STAU2: variants seen among roughly 807,000 people sequenced by gnomAD.
STAU2 encodes double-stranded RNA-binding protein Staufen homolog 2.
In STAU2, 20 loss-of-function variants were observed where a neutral mutation model predicts 65.9. The ratio of observed to expected loss-of-function variants is 0.30; its 90% CI spans 0.21 to 0.44. The LOEUF (loss-of-function observed/expected upper bound fraction) is 0.44, where lower values mean the gene tolerates loss of function less well. STAU2 is among the 20% of genes least tolerant of loss of function. The pLI, the probability that STAU2 is intolerant of heterozygous loss-of-function variation, is 1.00. For missense variants in STAU2, 558 were observed against 683.9 expected (o/e 0.82, Z 2.05); for synonymous variants, 232 against 233.9 (o/e 0.99, Z 0.07).
chr8:73,595,648 T>C (rs1811127625), intron 10 of STAU2, among the ~76,000 whole-genome samples: 2 of 152,188 alleles, frequency 1.3e-5, no homozygotes, highest in Admixed American at 1.3e-4. Context: ...ATGACTACAT[T>C]TTAGCATTCT....
At chr8:73,689,478 A>G (rs772599958) in intron 4 of STAU2, among the ~76,000 whole-genome samples, 81 of 152,280 alleles carry the variant, frequency 5.3e-4, no homozygotes, top group Non-Finnish European at 1.0e-3. Context: ...CATCACCCCA[A>G]TCAACATCAG....
intron 12 of STAU2, among the ~76,000 whole-genome samples, chr8:73,570,306 A>T (rs551607111): frequency 1.4e-3 from 219 of 152,370 alleles, no homozygotes; most frequent in Non-Finnish European, 2.4e-3. Context: ...GAAATATGGG[A>T]CTATGTGAAA....
intron 12 of STAU2, among the ~76,000 whole-genome samples, chr8:73,573,779 T>G (rs1424619016): frequency 6.6e-6 from 1 of 152,164 alleles, no homozygotes; most frequent in African/African-American, 2.4e-5. Context: ...ACTGAAATGT[T>G]AGACCTAAAA....
intron 8 of STAU2, among the ~76,000 whole-genome samples, chr8:73,615,029 TG>T (rs1812731784): frequency 6.6e-6 from 1 of 152,178 alleles, no homozygotes; most frequent in Admixed American, 6.5e-5. Flanking sequence ...TCATACAATG[TG>T]AGGGAAGAAT....
chr8:73,728,202 T>C (rs1179482488), intron 3 of STAU2: 2 of 152,210 alleles, frequency 1.3e-5, no homozygotes, highest in South Asian at 2.1e-4. Flanking sequence ...GAGATTATTC[T>C]TTCCCCACTG....
intron 5 of STAU2, among the ~76,000 whole-genome samples, chr8:73,679,378 T>G (rs970703108): frequency 6.6e-6 from 1 of 151,870 alleles, no homozygotes; most frequent in African/African-American, 2.4e-5. Flanking sequence ...CCAGGAAAAC[T>G]GAAAGAATTC....
chr8:73,697,185 C>A (rs1819742881), intron 4 of STAU2: 1 of 152,212 alleles, frequency 6.6e-6, no homozygotes, highest in Non-Finnish European at 1.5e-5. Flanking sequence ...TCCTGAGTAG[C>A]TGAGATTACA....
chr8:73,692,909 C>G (rs1753672734), intron 4 of STAU2, among the ~76,000 whole-genome samples: 3 of 152,184 alleles, frequency 2.0e-5, no homozygotes, highest in Admixed American at 2.0e-4. Context: ...CCTGGAATCC[C>G]AGCACTTTGG....
At chr8:73,632,657 T>A (rs1189412712) in intron 6 of STAU2, among the ~76,000 whole-genome samples, 1 of 152,182 alleles carries the variant, frequency 6.6e-6, no homozygotes, top group East Asian at 1.9e-4. Context: ...GACAAGAGTA[T>A]GACCATGGTG....
At chr8:73,552,414 C>A (rs761280569) in intron 12 of STAU2, 95 bp from the exon 13 acceptor site, 1 of 1,138,240 alleles carries the variant, frequency 8.8e-7, no homozygotes, top group Non-Finnish European at 1.2e-6. Context: ...GGTGTAGTAA[C>A]AAAGAAATGA....
chr8:73,504,433 C>T (rs1415429957), intron 13 of STAU2, among the ~76,000 whole-genome samples: 1 of 152,114 alleles, frequency 6.6e-6, no homozygotes, highest in African/African-American at 2.4e-5. Context: ...AAAATCAACA[C>T]AAGTTGTAGA....
intron 3 of STAU2, among the ~76,000 whole-genome samples, chr8:73,720,222 C>T (rs1821542289): frequency 6.7e-6 from 1 of 149,232 alleles, no homozygotes; most frequent in Non-Finnish European, 1.5e-5. Context: ...AGTGAGCTAT[C>T]ATCGGACCAC....
intron 13 of STAU2, among the ~76,000 whole-genome samples, chr8:73,488,688 T>C (rs893626777): frequency 1.1e-5 from 1 of 94,870 alleles, no homozygotes; most frequent in African/African-American, 3.3e-5. Context: ...TAAGAAATCC[T>C]TAAAAAAAAA....
At chr8:73,694,447 C>T (rs1819564120) in intron 4 of STAU2, among the ~76,000 whole-genome samples, 1 of 152,158 alleles carries the variant, frequency 6.6e-6, no homozygotes, top group Non-Finnish European at 1.5e-5. Context: ...TAAAATAAGT[C>T]TCAATAAATA....
intron 13 of STAU2, among the ~76,000 whole-genome samples, chr8:73,470,036 G>A (rs764971320): frequency 2.3e-4 from 35 of 152,250 alleles, no homozygotes; most frequent in Admixed American, 1.1e-3. Context: ...TTGGGCAAGT[G>A]ACTCAGCTTC....
chr8:73,545,596 A>G (rs796632058), intron 13 of STAU2, among the ~76,000 whole-genome samples: 8 of 152,118 alleles, frequency 5.3e-5, no homozygotes, highest in African/African-American at 1.7e-4. Flanking sequence ...ACATTAGAAT[A>G]AAATCTAAAG....
At chr8:73,698,242 A>G (rs746842875) in intron 4 of STAU2, among the ~76,000 whole-genome samples, 19 of 152,170 alleles carry the variant, frequency 1.2e-4, no homozygotes, top group Non-Finnish European at 2.8e-4. Flanking sequence ...AAGAAAGGAA[A>G]GAAGGAAGAA....
At chr8:73,463,910 A>G (rs1465924557) in intron 13 of STAU2, among the ~76,000 whole-genome samples, 1 of 152,148 alleles carries the variant, frequency 6.6e-6, no homozygotes, top group Non-Finnish European at 1.5e-5. Flanking sequence ...CCTTGTGTGT[A>G]CTGAGAAGGA....
intron 4 of STAU2, among the ~76,000 whole-genome samples, chr8:73,699,545 A>T (rs1015841563): frequency 3.9e-5 from 6 of 152,134 alleles, no homozygotes; most frequent in African/African-American, 7.2e-5. Context: ...GAGCAACTAT[A>T]TGCCAAAAAA....
Sources: allele counts gnomAD v4.1 joint callset (sites outside exome capture counted in the v4.1 genomes callset), GRCh38; gene constraint gnomAD v4.1.1; transcripts MANE v1.5; gene names NCBI Gene and HGNC (gene_info 2026-07-23, HGNC 2026-07-21).